IGSF21: variants seen among roughly 807,000 people sequenced by gnomAD.
IGSF21 encodes immunoglobin superfamily member 21.
Under a neutral mutation model 46.8 loss-of-function variants are expected in IGSF21, and 28 were observed. The ratio of observed to expected loss-of-function variants is 0.60; its 90% CI spans 0.44 to 0.82. The LOEUF is 0.82. Among genes scored for constraint, IGSF21 ranks in the 40% least tolerant of loss-of-function variants. The pLI is 0.00. For synonymous variants in IGSF21, 284 were observed against 273.6 expected (o/e 1.04, Z -0.38); for missense variants, 624 against 665.5 (o/e 0.94, Z 0.69).
rs2085564665 is a variant in IGSF21 at position 18,318,376 on chromosome 1, T to A, written c.306-16516T>A. 2.6e-5 allele frequency among the ~76,000 whole-genome samples: 4 copies of A among 152,266 alleles called. No individual in the cohort carries two copies. The South Asian group carries it at 8.3e-4, about 32-fold the overall frequency. On this transcript the variant is annotated intron_variant, in intron 3 of 9. Transcript: ENST00000251296. Reference sequence around the variant, plus strand: ...GAGGGCTTTGGTTGATTGTGATGCATCCATTAAAATGTACCAGCTTGCTGA... The same window carrying A: ...GAGGGCTTTGGTTGATTGTGATGCAACCATTAAAATGTACCAGCTTGCTGA...
intron 3 of IGSF21, among the ~76,000 whole-genome samples, chr1:18,308,456 C>T (rs2085449698): frequency 1.3e-5 from 2 of 152,222 alleles, no homozygotes; most frequent in South Asian, 4.1e-4. Context: ...CACACACACA[C>T]ACAAAGAGTT....
At chr1:18,375,235 C>G (rs2086268683) in intron 6 of IGSF21, among the ~76,000 whole-genome samples, 1 of 152,236 alleles carries the variant, frequency 6.6e-6, no homozygotes, top group Non-Finnish European at 1.5e-5. Flanking sequence ...TCAGCAGGCA[C>G]TGGGTCTTGT....
chr1:18,299,249 C>A (rs982971825), intron 3 of IGSF21, among the ~76,000 whole-genome samples: 2 of 152,128 alleles, frequency 1.3e-5, no homozygotes, highest in African/African-American at 4.8e-5. Flanking sequence ...GGCTTCTAAG[C>A]GGAAGCTCTC....
At chr1:18,193,360 T>A (rs547539197) in intron 1 of IGSF21, among the ~76,000 whole-genome samples, 33 of 152,256 alleles carry the variant, frequency 2.2e-4, no homozygotes, top group South Asian at 6.2e-4. Flanking sequence ...GGAATCTGTA[T>A]TAGCCAGGGT....
intron 3 of IGSF21, among the ~76,000 whole-genome samples, chr1:18,313,133 G>A (rs1401104167): frequency 2.6e-5 from 4 of 152,180 alleles, no homozygotes; most frequent in Admixed American, 6.5e-5. Context: ...CATGACCGGT[G>A]AGGACAGGGC....
intron 6 of IGSF21, among the ~76,000 whole-genome samples, chr1:18,374,170 T>C (rs10157902): frequency 0.14 from 21,177 of 152,198 alleles, 1,665 homozygotes; most frequent in East Asian, 0.34. Context: ...CAGACTGCCC[T>C]AGGCCTGGTT....
At chr1:18,280,343 C>A (rs1007307194) in intron 2 of IGSF21, among the ~76,000 whole-genome samples, 1 of 152,122 alleles carries the variant, frequency 6.6e-6, no homozygotes, top group African/African-American at 2.4e-5. Context: ...TGCCTCTTCC[C>A]AATTGCCACT....
intron 1 of IGSF21, among the ~76,000 whole-genome samples, chr1:18,121,752 G>T (rs139420603): frequency 3.2e-4 from 49 of 152,088 alleles, no homozygotes; most frequent in African/African-American, 1.2e-3. Context: ...GTTGCCTAAG[G>T]GGGACAAATA....
intron 1 of IGSF21, among the ~76,000 whole-genome samples, chr1:18,225,469 C>CCGCCCAACAAA (rs2084557187): frequency 6.6e-6 from 1 of 152,116 alleles, no homozygotes; most frequent in Admixed American, 6.5e-5. Flanking sequence ...ACCCTCCATC[C>CCGCCCAACAAA]TGCCCTGCCT....
intron 2 of IGSF21, among the ~76,000 whole-genome samples, chr1:18,270,618 T>G (rs567891279): frequency 2.2e-4 from 34 of 152,164 alleles, no homozygotes; most frequent in Non-Finnish European, 4.4e-4. Flanking sequence ...AGCCCACCAT[T>G]AACTAGAGAC....
intron 1 of IGSF21, among the ~76,000 whole-genome samples, chr1:18,189,621 C>A (rs377116832): frequency 1.1e-4 from 17 of 151,822 alleles, no homozygotes; most frequent in African/African-American, 3.9e-4. Context: ...AGTGACAGAT[C>A]ATCAGGCATT....
chr1:18,156,476 C>G (rs561761582), intron 1 of IGSF21, among the ~76,000 whole-genome samples: 1 of 152,234 alleles, frequency 6.6e-6, no homozygotes, highest in Non-Finnish European at 1.5e-5. Context: ...TCCCCTGGCT[C>G]TAAGCCCGAG....
Position 18,210,282 on chromosome 1 carries a change from G to T in IGSF21, c.71-17616G>T, listed in dbSNP as rs150303054. 4.2e-3 allele frequency among the ~76,000 whole-genome samples: 637 copies of T among 152,316 alleles called. 7 individuals carry two copies. Among genetic ancestry groups the T allele is most frequent in the South Asian group, 0.028 (137 of 4,820 alleles). ...CCCCCCCAGACACTCTCCTTTGTGA[G>T]CCAGGACTCCTTTGCTTTGCAGAAT... On this transcript the variant is annotated intron_variant, in intron 1 of 9. Coordinates refer to ENST00000251296, the MANE Select transcript of IGSF21 (RefSeq NM_032880.5).
At chr1:18,209,313 G>A (rs1209356925) in intron 1 of IGSF21, among the ~76,000 whole-genome samples, 2 of 152,164 alleles carry the variant, frequency 1.3e-5, no homozygotes, top group Non-Finnish European at 2.9e-5. Flanking sequence ...GTGTCCAAGA[G>A]CATAGTTAGG....
intron 2 of IGSF21, among the ~76,000 whole-genome samples, chr1:18,246,666 T>A (rs2084787246): frequency 1.3e-5 from 2 of 152,178 alleles, no homozygotes; most frequent in Non-Finnish European, 2.9e-5. Flanking sequence ...GCTTGGGACA[T>A]CTTTTATTAA....
intron 1 of IGSF21, among the ~76,000 whole-genome samples, chr1:18,187,738 T>A (rs1453348467): frequency 6.6e-6 from 1 of 151,958 alleles, no homozygotes; most frequent in South Asian, 2.1e-4. Flanking sequence ...TACCTCCAAA[T>A]ACTGTCACAT....
chr1:18,215,414 C>A (rs769330131), intron 1 of IGSF21, among the ~76,000 whole-genome samples: 4 of 152,174 alleles, frequency 2.6e-5, no homozygotes, highest in Non-Finnish European at 1.5e-5. Flanking sequence ...TGTCCTCATG[C>A]AATGAGTTAG....
intron 3 of IGSF21, among the ~76,000 whole-genome samples, chr1:18,298,004 C>T (rs2085327766): frequency 6.6e-6 from 1 of 152,076 alleles, no homozygotes; most frequent in African/African-American, 2.4e-5. Context: ...GAGCACAGAT[C>T]TGTAGTATAA....
At chr1:18,251,381 A>G (rs943573957) in intron 2 of IGSF21, among the ~76,000 whole-genome samples, 14 of 152,190 alleles carry the variant, frequency 9.2e-5, no homozygotes, top group Admixed American at 8.5e-4. Flanking sequence ...GGTTTGTTAC[A>G]ACAAAGGTTT....
Sources: allele counts gnomAD v4.1 joint callset (sites outside exome capture counted in the v4.1 genomes callset), GRCh38; gene constraint gnomAD v4.1.1; transcripts MANE v1.5; gene names NCBI Gene and HGNC (gene_info 2026-07-23, HGNC 2026-07-21).